Variants in SCIMP observed in about 807,000 individuals in gnomAD.
SCIMP encodes SLP adapter and CSK-interacting membrane protein.
Under a neutral mutation model 22.0 loss-of-function variants are expected in SCIMP, and 18 were observed. The observed-to-expected ratio is 0.82, with a 90% CI of 0.56 to 1.21. The LOEUF is 1.21. Among genes scored for constraint, SCIMP ranks in the 50% most tolerant of loss-of-function variants. The pLI is 0.00. For missense variants in SCIMP, 155 were observed against 171.2 expected, an observed-to-expected ratio of 0.91 and a Z score of 0.53; for synonymous variants, 53 against 62.2, an observed-to-expected ratio of 0.85 and a Z score of 0.70.
chr17:5,215,167 T>C (rs1476728259), intron 3 of SCIMP, 169 bp from the exon 4 acceptor site: 2 of 557,682 alleles, frequency 3.6e-6, no homozygotes, highest in South Asian at 2.4e-5. Flanking sequence ...CCATTTGTAA[T>C]TGGCACCCTA....
At chr17:5,214,139 C>T (rs2074546555) in intron 4 of SCIMP, 1 of 152,268 alleles carries the variant, frequency 6.6e-6, no homozygotes, top group Admixed American at 6.5e-5. Context: ...CCAGAAACCT[C>T]ACAGAAATCG....
chr17:5,228,694 G>C (rs2074671054), intron 1 of SCIMP, among the ~76,000 whole-genome samples: 1 of 152,024 alleles, frequency 6.6e-6, no homozygotes, highest in Non-Finnish European at 1.5e-5. Flanking sequence ...AACTGAGCCT[G>C]TGACAGTGAC....
chr17:5,228,671 G>A (rs1321579448), intron 1 of SCIMP, among the ~76,000 whole-genome samples: 2 of 151,962 alleles, frequency 1.3e-5, no homozygotes, highest in Non-Finnish European at 2.9e-5. Context: ...ACAGTGAAAT[G>A]CATTTTTCTT....
rs1339783550 is a variant in SCIMP, at chr17:5,214,732, C to T, written c.283+193G>A. 7.7e-6 allele frequency: 4 copies of T among 519,104 alleles called. No homozygotes were observed. In the South Asian group the frequency reaches 8.5e-5, roughly 11 times the overall value. 32.2% of individuals were successfully genotyped at this position (519,104 alleles called of 1,614,324 possible). A position where few individuals can be genotyped will look rare whatever the true frequency, so the allele number is the denominator to read the frequency against. ...GCGGGTGCCTGTAGTCCCAGCTACT[C>T]CGGAGGCTGAGGTAGGAGAATGGCA... is the stretch of plus-strand genomic sequence containing the variant. On this transcript the variant is annotated intron_variant, in intron 4 of 4. Coordinates refer to ENST00000574081, the MANE Select transcript of SCIMP (RefSeq NM_207103.3).
intron 3 of SCIMP, among the ~76,000 whole-genome samples, chr17:5,216,179 T>G (rs556102019): frequency 5.9e-5 from 9 of 151,918 alleles, no homozygotes; most frequent in Admixed American, 5.9e-4. Flanking sequence ...TCCAACCTGG[T>G]TGAGAGTGAG....
chr17:5,233,100 G>A (rs2074715571), intron 1 of SCIMP, among the ~76,000 whole-genome samples: 1 of 152,106 alleles, frequency 6.6e-6, no homozygotes, highest in African/African-American at 2.4e-5. Context: ...ATGGGGAAGT[G>A]CACGGCAGGG....
intron 3 of SCIMP, among the ~76,000 whole-genome samples, chr17:5,215,788 G>T (rs2074561453): frequency 6.6e-6 from 1 of 152,176 alleles, no homozygotes; most frequent in African/African-American, 2.4e-5. Flanking sequence ...TAACAGCTCT[G>T]AATTGGACAC....
chr17:5,230,634 A>G (rs1417286254), intron 1 of SCIMP, among the ~76,000 whole-genome samples: 1 of 152,150 alleles, frequency 6.6e-6, no homozygotes, highest in Non-Finnish European at 1.5e-5. Flanking sequence ...TAAAACCTAT[A>G]TAGCTACTGG....
chr17:5,233,343 C>G (rs556418125), intron 1 of SCIMP, among the ~76,000 whole-genome samples: 2 of 149,332 alleles, frequency 1.3e-5, no homozygotes, highest in East Asian at 3.9e-4. Context: ...CAGTGTGACC[C>G]TGTCCCTTCC....
At chr17:5,228,788 G>A (rs547045445) in intron 1 of SCIMP, among the ~76,000 whole-genome samples, 21 of 152,318 alleles carry the variant, frequency 1.4e-4, no homozygotes, top group African/African-American at 5.1e-4. Context: ...CATAAGAGCA[G>A]AGGCTTTGCC....
At chr17:5,222,943 G>A (rs774868167) in intron 2 of SCIMP, among the ~76,000 whole-genome samples, 1 of 152,128 alleles carries the variant, frequency 6.6e-6, no homozygotes, top group Non-Finnish European at 1.5e-5. Flanking sequence ...GGGATTACAG[G>A]CATGAGCCAC....
intron 3 of SCIMP, among the ~76,000 whole-genome samples, chr17:5,217,380 TTGTGTGTGTGTG>T (rs10554192): frequency 2.0e-5 from 3 of 148,944 alleles, no homozygotes; most frequent in African/African-American, 5.0e-5. Context: ...TTTTGTTTGC[TTGTGTGTGTGTG>T]TGTGTGTGTG....
chr17:5,228,578 G>A (rs577430470), intron 1 of SCIMP, among the ~76,000 whole-genome samples: 22 of 152,012 alleles, frequency 1.4e-4, no homozygotes, highest in East Asian at 3.9e-4. Flanking sequence ...CCAGGGATTC[G>A]AGGCTACATT....
intron 2 of SCIMP, among the ~76,000 whole-genome samples, chr17:5,222,814 G>A (rs1397403792): frequency 2.0e-5 from 3 of 152,020 alleles, no homozygotes; most frequent in East Asian, 1.9e-4. Context: ...ACAGGCACCC[G>A]TCACCACACC....
At chr17:5,215,917 A>G (rs377159552) in intron 3 of SCIMP, among the ~76,000 whole-genome samples, 1 of 152,036 alleles carries the variant, frequency 6.6e-6, no homozygotes, top group African/African-American at 2.4e-5. Flanking sequence ...TGACTGGGCA[A>G]GGTGGCTGAC....
chr17:5,220,522 A>G (rs2074598929), intron 3 of SCIMP, among the ~76,000 whole-genome samples: 2 of 151,626 alleles, frequency 1.3e-5, no homozygotes, highest in South Asian at 4.2e-4. Flanking sequence ...GTGGATCACA[A>G]GGTCAGGAGT....
rs1174773474 is a variant in SCIMP, at chr17:5,210,834, TTCAACATCGTCATAGTCATCTTCA to T, written c.381_404del (p.Glu128_Glu135del). On this transcript the variant is annotated inframe_deletion, in exon 5 of 5. Coordinates refer to ENST00000574081, the MANE Select transcript of SCIMP (RefSeq NM_207103.3). ...ATGCTTTTTCAGTATTTGCAGGGAT[TTCAACATCGTCATAGTCATCTTCA>T]GGCTCAATGTAGCTTGGGATGGAAA... The T allele has an allele frequency of 6.2e-7, 1 of 1,611,064 alleles. No individual in the cohort carries two copies. The highest frequency in any genetic ancestry group is 8.5e-7 in the Non-Finnish European group (1 of 1,179,336).
chr17:5,234,329 T>G, intron 1 of SCIMP, among the ~76,000 whole-genome samples: 1 of 115,508 alleles, frequency 8.7e-6, no homozygotes, highest in African/African-American at 3.3e-5. Flanking sequence ...CACCCCCACC[T>G]CCAGCATAGC....
intron 1 of SCIMP, among the ~76,000 whole-genome samples, chr17:5,228,611 C>T (rs1007785419): frequency 6.6e-6 from 1 of 152,038 alleles, no homozygotes; most frequent in African/African-American, 2.4e-5. Flanking sequence ...TGCCACTGCA[C>T]TCCAGCCTGA....
Sources: allele counts gnomAD v4.1 joint callset (sites outside exome capture counted in the v4.1 genomes callset), GRCh38; gene constraint gnomAD v4.1.1; transcripts MANE v1.5; gene names NCBI Gene and HGNC (gene_info 2026-07-23, HGNC 2026-07-21).